Variants in COMMD10 observed in about 807,000 individuals in gnomAD.
The protein encoded by COMMD10 is COMM domain-containing protein 10.
Under a neutral mutation model 28.9 loss-of-function variants are expected in COMMD10, and 33 were observed. The observed-to-expected ratio is 1.14, with a 90% CI of 0.87 to 1.53. The LOEUF (loss-of-function observed/expected upper bound fraction) is 1.53. Among genes scored for constraint, COMMD10 ranks in the 40% most tolerant of loss-of-function variants. COMMD10 has a pLI of 0.00. For synonymous variants in COMMD10, 110 were observed against 81.7 expected (o/e 1.35, Z -1.87); for missense variants, 310 against 233.4 (o/e 1.33, Z -2.14).
intron 5 of COMMD10, among the ~76,000 whole-genome samples, chr5:116,193,700 TAGAC>T (rs1678307994): frequency 6.6e-6 from 1 of 150,916 alleles, no homozygotes; most frequent in Non-Finnish European, 1.5e-5. Flanking sequence ...AGAAATGAGA[TAGAC>T]AGCAACATGA....
chr5:116,289,241 G>A (rs888012337), intron 5 of COMMD10, among the ~76,000 whole-genome samples: 1 of 151,738 alleles, frequency 6.6e-6, no homozygotes, highest in East Asian at 1.9e-4. Flanking sequence ...TCAGGTAGCT[G>A]ATAGACCTTT....
chr5:116,264,501 A>G (rs1750531421), intron 5 of COMMD10, among the ~76,000 whole-genome samples: 1 of 151,780 alleles, frequency 6.6e-6, no homozygotes, highest in Non-Finnish European at 1.5e-5. Context: ...TATATTTTCT[A>G]CAACTCTCAG....
In COMMD10 at chr5:116,252,263, G is replaced by A. The variant is rs1018950025; in HGVS notation, c.511-39254G>A. 1.8e-3 allele frequency among the ~76,000 whole-genome samples: 262 copies of A among 142,050 alleles called. 10 individuals carry two copies. The highest frequency in any genetic ancestry group is 3.0e-3 in the Non-Finnish European group (198 of 65,344). The allele number at this position is 142,050 out of a possible 152,430, so 93.2% of individuals were successfully genotyped here. The stretch of plus-strand genomic sequence containing the variant: ...ATTTTGTAGGCTGCCTGTTCACTCT[G>A]ATGGTAGTTTCTTTTGCTGTGCAGA... On this transcript the variant is annotated intron_variant, in intron 5 of 6. Transcript: ENST00000274458.
chr5:116,140,216 C>T (rs1752153715), intron 5 of COMMD10, among the ~76,000 whole-genome samples: 2 of 129,774 alleles, frequency 1.5e-5, no homozygotes, highest in African/African-American at 7.0e-5. Context: ...TTTTTCAAGG[C>T]TGACTCATAC....
chr5:116,246,474 A>T (rs1297664417), intron 5 of COMMD10, among the ~76,000 whole-genome samples: 3 of 150,928 alleles, frequency 2.0e-5, no homozygotes, highest in Non-Finnish European at 4.4e-5. Context: ...AGAACTAGGA[A>T]AAAAAAAAAA....
rs183318032 is a variant in COMMD10, at chr5:116,120,065, C to T, written c.400-14003C>T. On this transcript the variant is annotated intron_variant, in intron 4 of 6. Coordinates refer to ENST00000274458, the MANE Select transcript of COMMD10 (RefSeq NM_016144.4). ...AAGATACAGAGCATTATGTTTATAG[C>T]GGCACAATTTGCAATTGCAACAATA... 2.8e-4 allele frequency among the ~76,000 whole-genome samples: 42 copies of T among 152,160 alleles called. No homozygotes were observed. In the Middle Eastern group the frequency reaches 0.027, roughly 99 times the overall value.
At position 116,209,349 on chromosome 5, in the gene COMMD10, A is replaced by T. The variant is rs149048156; in HGVS notation, c.510+75171A>T. Among the ~76,000 whole-genome samples the T allele has an allele frequency of 3.0e-3, 452 of 152,282 alleles. 3 individuals are homozygous for T. The highest frequency in any genetic ancestry group is 0.01 in the African/African-American group (434 of 41,560). ...AGAACAGAAAAGATTATCTTAACTG[A>T]CCACTAACAACATAGTTGCCAGTTT... On this transcript the variant is annotated intron_variant, in intron 5 of 6. Transcript: ENST00000274458.
intron 4 of COMMD10, among the ~76,000 whole-genome samples, chr5:116,127,311 C>A (rs888326638): frequency 6.6e-6 from 1 of 152,196 alleles, no homozygotes; most frequent in East Asian, 1.9e-4. Flanking sequence ...AATAGCAATG[C>A]TTTTACACCT....
chr5:116,130,060 C>G (rs1423731643), intron 4 of COMMD10, among the ~76,000 whole-genome samples: 4 of 151,308 alleles, frequency 2.6e-5, no homozygotes, highest in Non-Finnish European at 5.9e-5. Flanking sequence ...TTTTCAATGA[C>G]AAAGTTTAAT....
chr5:116,285,254 C>A (rs1032065803), intron 5 of COMMD10, among the ~76,000 whole-genome samples: 1 of 151,948 alleles, frequency 6.6e-6, no homozygotes, highest in South Asian at 2.1e-4. Context: ...GTGCTCTATA[C>A]TCCTTACTTG....
At chr5:116,187,590 T>C (rs1021936623) in intron 5 of COMMD10, among the ~76,000 whole-genome samples, 1 of 152,120 alleles carries the variant, frequency 6.6e-6, no homozygotes, top group Non-Finnish European at 1.5e-5. Flanking sequence ...TCTACATTAC[T>C]TCATGCATTA....
At position 116,151,835 on chromosome 5, in the gene COMMD10, G is replaced by GT. The variant is rs1273670923; in HGVS notation, c.510+17663dup. ...CCTGGATTCATTAATTTTTTGAAGGGTTTTTTGTGTCTGTATTTCCTTCAG... is the reference window on the plus strand; with the variant it reads ...CCTGGATTCATTAATTTTTTGAAGGGTTTTTTTGTGTCTGTATTTCCTTCAG... On this transcript the variant is annotated intron_variant, in intron 5 of 6. Coordinates refer to ENST00000274458, the MANE Select transcript of COMMD10 (RefSeq NM_016144.4). Among the ~76,000 whole-genome samples the GT allele has an allele frequency of 2.6e-5, 4 of 151,600 alleles. No homozygotes were observed. The East Asian group carries it at 5.8e-4, about 22-fold the overall frequency.
chr5:116,218,335 G>A (rs1164141090), intron 5 of COMMD10: 126 of 661,632 alleles, frequency 1.9e-4, no homozygotes, highest in Non-Finnish European at 3.1e-4. Flanking sequence ...GGCACTGGGC[G>A]TAGGATGCAG....
chr5:116,264,535 G>T (rs1366187938), intron 5 of COMMD10, among the ~76,000 whole-genome samples: 7 of 151,688 alleles, frequency 4.6e-5, no homozygotes, highest in African/African-American at 1.5e-4. Context: ...TGGATGATGC[G>T]AGCGCATTAA....
chr5:116,235,161 C>T (rs1039723520), intron 5 of COMMD10, among the ~76,000 whole-genome samples: 1 of 152,124 alleles, frequency 6.6e-6, no homozygotes, highest in Non-Finnish European at 1.5e-5. Flanking sequence ...CAAACTGATA[C>T]AATTGAGAAG....
At chr5:116,209,333 A>G (rs968405949) in intron 5 of COMMD10, among the ~76,000 whole-genome samples, 1 of 152,150 alleles carries the variant, frequency 6.6e-6, no homozygotes, top group Non-Finnish European at 1.5e-5. Context: ...TAGAACAGAA[A>G]AGATTATCTT....
At chr5:116,270,005 C>T (rs1295935489) in intron 5 of COMMD10, among the ~76,000 whole-genome samples, 2 of 150,444 alleles carry the variant, frequency 1.3e-5, no homozygotes, top group African/African-American at 4.9e-5. Context: ...TATTTTCTGA[C>T]TTTCAAGCCT....
intron 5 of COMMD10, among the ~76,000 whole-genome samples, chr5:116,255,122 C>T (rs1750243899): frequency 6.6e-6 from 1 of 151,560 alleles, no homozygotes; most frequent in African/African-American, 2.4e-5. Context: ...GATTGCAACC[C>T]CTGCCTTTTT....
chr5:116,189,213 C>A (rs1748260112), intron 5 of COMMD10, among the ~76,000 whole-genome samples: 1 of 152,136 alleles, frequency 6.6e-6, no homozygotes, highest in African/African-American at 2.4e-5. Flanking sequence ...GAAATCGCTG[C>A]ATGAGACTTC....
Sources: allele counts gnomAD v4.1 joint callset (sites outside exome capture counted in the v4.1 genomes callset), GRCh38; gene constraint gnomAD v4.1.1; transcripts MANE v1.5; gene names NCBI Gene and HGNC (gene_info 2026-07-23, HGNC 2026-07-21).